Variants in ASIC2 observed in about 807,000 individuals in gnomAD.
ASIC2 encodes acid-sensing ion channel 2.
In ASIC2, 25 loss-of-function variants were observed where a neutral mutation model predicts 57.3. The ratio of observed to expected loss-of-function variants is 0.44; its 90% CI spans 0.32 to 0.61. ASIC2 has a LOEUF of 0.61. Among genes scored for constraint, ASIC2 ranks in the 20% least tolerant of loss-of-function variants. The probability of loss-of-function intolerance (pLI) is 0.06; values close to 1 mark genes in which losing one functional copy is unlikely to be tolerated. For synonymous variants in ASIC2, 319 were observed against 307.5 expected, an observed-to-expected ratio of 1.04 and a Z score of -0.39; for missense variants, 641 against 738.1, an observed-to-expected ratio of 0.87 and a Z score of 1.52.
At chr17:33,259,414 T>C (rs982306361) in intron 1 of ASIC2, among the ~76,000 whole-genome samples, 1 of 149,776 alleles carries the variant, frequency 6.7e-6, no homozygotes, top group Admixed American at 6.6e-5. Context: ...GTAGATATCA[T>C]TGCCTGGCAT....
In ASIC2 at chr17:34,155,921, C is replaced by T. The variant is rs567918439; in HGVS notation, c.555+57G>A. 1.5e-5 allele frequency: 23 copies of T among 1,535,870 alleles called. No homozygotes were observed. In the East Asian group the frequency reaches 4.7e-4, roughly 32 times the overall value. On this transcript the variant is annotated intron_variant, in intron 1 of 9. Transcript: ENST00000359872. ...AAACCCCAAACCAAGCAGGAGACCA[C>T]CGGCGCACCACTTCTCCAGAGGACC... is the stretch of plus-strand genomic sequence containing the variant.
chr17:33,064,064 G>T (rs762361143), intron 3 of ASIC2, among the ~76,000 whole-genome samples: 1 of 152,066 alleles, frequency 6.6e-6, no homozygotes, highest in African/African-American at 2.4e-5. Context: ...CAGTTGTCTA[G>T]TCTTTTTTCA....
At chr17:34,130,269 C>T (rs886402957) in intron 1 of ASIC2, among the ~76,000 whole-genome samples, 4 of 150,190 alleles carry the variant, frequency 2.7e-5, no homozygotes, top group African/African-American at 7.3e-5. Flanking sequence ...TTACCCTGTG[C>T]AGGCTCCAAA....
chr17:33,484,860 A>G (rs1913524912), intron 1 of ASIC2, among the ~76,000 whole-genome samples: 1 of 152,238 alleles, frequency 6.6e-6, no homozygotes, highest in Admixed American at 6.5e-5. Context: ...CTTTTCCTAG[A>G]AATTCTGCAT....
At chr17:34,119,466 C>T (rs1239432849) in intron 1 of ASIC2, among the ~76,000 whole-genome samples, 1 of 152,152 alleles carries the variant, frequency 6.6e-6, no homozygotes, top group Non-Finnish European at 1.5e-5. Context: ...CAGGTTAATG[C>T]TTAGAGGATC....
chr17:33,082,889 C>G (rs1444030071), intron 3 of ASIC2, among the ~76,000 whole-genome samples: 2 of 152,142 alleles, frequency 1.3e-5, no homozygotes, highest in African/African-American at 4.8e-5. Flanking sequence ...TTCCAGAATT[C>G]TGTGCTGGCT....
chr17:33,912,809 G>A (rs1230031741), intron 1 of ASIC2, among the ~76,000 whole-genome samples: 10 of 151,960 alleles, frequency 6.6e-5, no homozygotes, highest in African/African-American at 1.2e-4. Context: ...GAGAAACCCC[G>A]TCTCTACTAA....
chr17:33,988,039 T>C (rs1337489922), intron 1 of ASIC2, among the ~76,000 whole-genome samples: 1 of 152,160 alleles, frequency 6.6e-6, no homozygotes, highest in African/African-American at 2.4e-5. Context: ...AGAAGTGGCA[T>C]CTGGAGTGAG....
intron 1 of ASIC2, among the ~76,000 whole-genome samples, chr17:33,190,565 A>G (rs12604015): frequency 0.28 from 42,167 of 152,064 alleles, 8,556 homozygotes; most frequent in African/African-American, 0.56. Context: ...GAAATGTGAA[A>G]GACCTAGAAT....
At position 33,912,255 on chromosome 17, in the gene ASIC2, G is replaced by A. The variant is rs144508402; in HGVS notation, c.555+243723C>T. 3.7e-3 allele frequency among the ~76,000 whole-genome samples: 557 copies of A among 151,668 alleles called. 5 individuals are homozygous for A. The highest frequency in any genetic ancestry group is 0.013 in the African/African-American group (530 of 41,332). On this transcript the variant is annotated intron_variant, in intron 1 of 9. Transcript: ENST00000359872. Reference sequence around the variant, plus strand: ...ACGCCTGTAATCCCGGCGCATTGTAGGCTGAGGCATGTGGATCACCTGAGG... The same window carrying A: ...ACGCCTGTAATCCCGGCGCATTGTAAGCTGAGGCATGTGGATCACCTGAGG...
chr17:33,924,897 G>A (rs1915792350), intron 1 of ASIC2, among the ~76,000 whole-genome samples: 1 of 152,222 alleles, frequency 6.6e-6, no homozygotes. Context: ...TGATGACCAT[G>A]CAGACACATG....
intron 1 of ASIC2, among the ~76,000 whole-genome samples, chr17:34,145,330 A>G (rs948109749): frequency 9.2e-5 from 14 of 152,158 alleles, no homozygotes; most frequent in African/African-American, 3.4e-4. Context: ...GATTGCATCT[A>G]TTATCAGTTT....
At chr17:33,656,368 A>G (rs1305808219) in intron 1 of ASIC2, among the ~76,000 whole-genome samples, 1 of 152,200 alleles carries the variant, frequency 6.6e-6, no homozygotes, top group African/African-American at 2.4e-5. Flanking sequence ...CTCAATTCTT[A>G]CATTAAAGCA....
At chr17:33,806,714 G>A (rs1395123679) in intron 1 of ASIC2, among the ~76,000 whole-genome samples, 2 of 152,136 alleles carry the variant, frequency 1.3e-5, no homozygotes, top group African/African-American at 4.8e-5. Flanking sequence ...CCTGGGTCCT[G>A]AATGGGGTCT....
chr17:33,771,734 T>C (rs1227038936), intron 1 of ASIC2, among the ~76,000 whole-genome samples: 1 of 152,220 alleles, frequency 6.6e-6, no homozygotes, highest in African/African-American at 2.4e-5. Flanking sequence ...TTTTTTTAAT[T>C]GATACATAAT....
chr17:33,125,095 C>T (rs2092318080), intron 1 of ASIC2, among the ~76,000 whole-genome samples: 2 of 152,202 alleles, frequency 1.3e-5, no homozygotes, highest in Non-Finnish European at 2.9e-5. Flanking sequence ...TGACCTCCTG[C>T]TCTGTGGCCC....
At chr17:33,952,570 A>G (rs544629006) in intron 1 of ASIC2, among the ~76,000 whole-genome samples, 1 of 152,304 alleles carries the variant, frequency 6.6e-6, no homozygotes, top group Admixed American at 6.5e-5. Context: ...TGGGTCCTTG[A>G]TGATATCATC....
Position 33,840,799 on chromosome 17 carries a change from C to CCACACACACACACACACACACACACACA in ASIC2, c.555+315178_555+315179insTGTGTGTGTGTGTGTGTGTGTGTGTGTG, listed in dbSNP as rs10525634. Among the ~76,000 whole-genome samples, 175 of 147,570 alleles carry CCACACACACACACACACACACACACACA rather than the reference C, an allele frequency of 1.2e-3. 2 individuals carry two copies. Among genetic ancestry groups the CCACACACACACACACACACACACACACA allele is most frequent in the Admixed American group, 1.4e-3 (21 of 14,782 alleles). On this transcript the variant is annotated intron_variant, in intron 1 of 9. Coordinates refer to the ASIC2 transcript ENST00000359872. ...TTATTCCTTTAGGTACCTGGACACA[C>CCACACACACACACACACACACACACACA]CACACACACACACACACACACACAC...
Position 33,579,009 on chromosome 17 carries a change from G to C in ASIC2, c.556-466942C>G, listed in dbSNP as rs1006388202. 8.5e-5 allele frequency among the ~76,000 whole-genome samples: 13 copies of C among 152,240 alleles called. 2 individuals carry two copies. The South Asian group carries it at 1.9e-3, about 22-fold the overall frequency. On this transcript the variant is annotated intron_variant, in intron 1 of 9. Coordinates refer to the ASIC2 transcript ENST00000359872. ...GTTATAGAATGCAGGTTAATGGTCAGGTGCGCTGTCTCACTCCTGTAATCC... is the reference window on the plus strand; with the variant it reads ...GTTATAGAATGCAGGTTAATGGTCACGTGCGCTGTCTCACTCCTGTAATCC...
Sources: allele counts gnomAD v4.1 joint callset (sites outside exome capture counted in the v4.1 genomes callset), GRCh38; gene constraint gnomAD v4.1.1; transcripts MANE v1.5; gene names NCBI Gene and HGNC (gene_info 2026-07-23, HGNC 2026-07-21).